RAB17: variants seen among roughly 807,000 people sequenced by gnomAD.
The protein encoded by RAB17 is ras-related protein Rab-17.
RAB17 carries 15 observed loss-of-function variants against 19.3 expected under a neutral mutation model. The ratio of observed to expected loss-of-function variants is 0.78; its 90% CI spans 0.52 to 1.20. The LOEUF is 1.20. Among genes scored for constraint, RAB17 ranks in the 50% most tolerant of loss-of-function variants. RAB17 has a pLI of 0.00. For missense variants in RAB17, 262 were observed against 269.3 expected (o/e 0.97, Z 0.19); for synonymous variants, 110 against 112.8 (o/e 0.97, Z 0.16).
chr2:237,589,760 C>T (rs1429441800), intron 1 of RAB17, among the ~76,000 whole-genome samples: 3 of 152,158 alleles, frequency 2.0e-5, no homozygotes, highest in Non-Finnish European at 4.4e-5. Flanking sequence ...ACACCATATT[C>T]AAGACTGGCG....
intron 1 of RAB17, among the ~76,000 whole-genome samples, chr2:237,588,669 C>G (rs1400420540): frequency 6.6e-6 from 1 of 152,160 alleles, no homozygotes; most frequent in Non-Finnish European, 1.5e-5. Context: ...AAGAACATAT[C>G]CCTGTAACCA....
chr2:237,575,058 G>C lies in RAB17; in HGVS notation c.600C>G (p.Asn200Lys). 1 of 1,613,680 alleles carries C rather than the reference G, an allele frequency of 6.2e-7. No individual in the cohort carries two copies. The highest frequency in any genetic ancestry group is 8.5e-7 in the Non-Finnish European group (1 of 1,179,832). Residue 200 changes from asparagine (N) to lysine (K), a missense_variant, in exon 6 of 6, where the codon AAC (asparagine) becomes AAG (lysine). Transcript: ENST00000264601. ...ALRGDAAVALNKGPARQAKCC... is the reference protein window; with the variant it reads ...ALRGDAAVALKKGPARQAKCC... ...ATTTGGCCTGCCTCGCGGGCCCCTTGTTCAGAGCCACAGCTGCATCCCCCC... is the reference window on the plus strand; with the variant it reads ...ATTTGGCCTGCCTCGCGGGCCCCTTCTTCAGAGCCACAGCTGCATCCCCCC...
Position 237,574,614 on chromosome 2 carries a change from C to A in RAB17, c.*405G>T. The stretch of plus-strand genomic sequence containing the variant: ...GGCCTGCTCCCCAACCCCCCAGAAG[C>A]AGGTGGGCCCAGGCTCCAGGCCAGT... On this transcript the variant is annotated 3_prime_UTR_variant, in exon 6 of 6. Transcript: ENST00000264601. 1 of 1,528,410 alleles carries A rather than the reference C, an allele frequency of 6.5e-7. No homozygotes were observed. Among genetic ancestry groups the A allele is most frequent in the Non-Finnish European group, 8.8e-7 (1 of 1,134,732 alleles). The allele number at this position is 1,528,410 out of a possible 1,614,324, so 94.7% of individuals were successfully genotyped here. A position where few individuals can be genotyped will look rare whatever the true frequency, so the allele number is the denominator to read the frequency against.
chr2:237,583,249 G>A (rs957080626), intron 2 of RAB17, among the ~76,000 whole-genome samples: 7 of 151,750 alleles, frequency 4.6e-5, no homozygotes, highest in African/African-American at 1.7e-4. Flanking sequence ...AAGGTGGGAG[G>A]ATGGCTTGAG....
chr2:237,587,811 A>G (rs2081361350), intron 1 of RAB17, among the ~76,000 whole-genome samples: 1 of 151,294 alleles, frequency 6.6e-6, no homozygotes, highest in African/African-American at 2.4e-5. Flanking sequence ...ACATAACATT[A>G]AGTTTTCCAT....
At chr2:237,577,978 G>A in intron 3 of RAB17, 26 bp downstream of exon 3, 3 of 1,578,886 alleles carry the variant, frequency 1.9e-6, no homozygotes, top group Non-Finnish European at 2.6e-6. Flanking sequence ...GAAGGAGGGT[G>A]GGACGTGCCT....
In RAB17 at chr2:237,584,297, G is replaced by A. The variant is rs148140122; in HGVS notation, c.157+1701C>T. Among the ~76,000 whole-genome samples the A allele has an allele frequency of 6.6e-5, 10 of 152,138 alleles. No individual in the cohort carries two copies. The East Asian group carries it at 1.4e-3, about 21-fold the overall frequency. ...CAAAGCACCCTCCTACGCTCCAACC[G>A]GGCATCTCGGAATCTCTCAGCCCTG... On this transcript the variant is annotated intron_variant, in intron 2 of 5. Transcript: ENST00000264601.
intron 1 of RAB17, 39 bp from the exon 2 acceptor site, chr2:237,586,196 C>T (rs765742548): frequency 8.4e-6 from 13 of 1,544,440 alleles, no homozygotes; most frequent in East Asian, 2.4e-5. Flanking sequence ...AGTGGAACAT[C>T]GGAGCCACAT....
At chr2:237,586,775 C>T (rs1003908095) in intron 1 of RAB17, among the ~76,000 whole-genome samples, 3 of 152,174 alleles carry the variant, frequency 2.0e-5, no homozygotes, top group African/African-American at 7.2e-5. Context: ...TTCATGTACA[C>T]ACCACAATAG....
intron 2 of RAB17, among the ~76,000 whole-genome samples, chr2:237,581,409 T>C (rs1361984666): frequency 3.9e-5 from 6 of 151,978 alleles, no homozygotes; most frequent in Non-Finnish European, 7.4e-5. Flanking sequence ...CTAAATTTTA[T>C]TTTTTTAATT....
intron 4 of RAB17, chr2:237,576,437 C>T (rs556251175): frequency 1.0e-5 from 4 of 389,546 alleles, no homozygotes; most frequent in East Asian, 7.3e-5. Flanking sequence ...CTCTCTCCCC[C>T]ACCCCAACTT....
Position 237,574,355 on chromosome 2 carries a change from A to T in RAB17, c.*664T>A. The T allele has an allele frequency of 6.9e-7, 1 of 1,445,138 alleles. No homozygotes were observed. Among genetic ancestry groups the T allele is most frequent in the Non-Finnish European group, 9.1e-7 (1 of 1,098,952 alleles). The allele number at this position is 1,445,138 out of a possible 1,614,324, so 89.5% of individuals were successfully genotyped here. ...CAAAAGCAATTTAATTTTTGGAGGA[A>T]AAACTGCATACGCAGTACAACTTAT... On this transcript the variant is annotated 3_prime_UTR_variant, in exon 6 of 6. Transcript: ENST00000264601.
At chr2:237,578,349 T>C (rs1002500388) in intron 2 of RAB17, 194 bp from the exon 3 acceptor site, 12 of 553,578 alleles carry the variant, frequency 2.2e-5, no homozygotes, top group Middle Eastern at 4.6e-4. Context: ...TCGAGCAAAG[T>C]GTTGGGAGTG....
rs982370277 is a variant in RAB17 at position 237,586,286 on chromosome 2, A to G, written c.-3-129T>C. 1.3e-5 allele frequency: 11 copies of G among 844,658 alleles called. No homozygotes were observed. The African/African-American group carries it at 1.4e-4, about 11-fold the overall frequency. The allele number at this position is 844,658 out of a possible 1,614,324, so 52.3% of individuals were successfully genotyped here. ...ATACAGAGCTCCCAACTCAGAGGCC[A>G]CCTAGGTCCACACTCCTGCTTCCCT... is the stretch of plus-strand genomic sequence containing the variant. On this transcript the variant is annotated intron_variant, in intron 1 of 5. Coordinates refer to ENST00000264601, the MANE Select transcript of RAB17 (RefSeq NM_022449.4).
chr2:237,588,230 G>C (rs535391506), intron 1 of RAB17, among the ~76,000 whole-genome samples: 1 of 152,086 alleles, frequency 6.6e-6, no homozygotes, highest in South Asian at 2.1e-4. Flanking sequence ...TAACACTGCT[G>C]CGTCTTGCAC....
At position 237,574,544 on chromosome 2, in the gene RAB17, A is replaced by G; in HGVS notation, c.*475T>C. 6.5e-7 allele frequency: 1 copy of G among 1,550,356 alleles called. No homozygotes were observed. The highest frequency in any genetic ancestry group is 8.7e-7 in the Non-Finnish European group (1 of 1,146,864). On this transcript the variant is annotated 3_prime_UTR_variant, in exon 6 of 6. Coordinates refer to ENST00000264601, the MANE Select transcript of RAB17 (RefSeq NM_022449.4). ...TGTGGAAATCCTGGGCCCACCCCACAGTCAGTCATCGCTCCATTTCTTCCT... is the reference window on the plus strand; with the variant it reads ...TGTGGAAATCCTGGGCCCACCCCACGGTCAGTCATCGCTCCATTTCTTCCT...
intron 4 of RAB17, 130 bp downstream of exon 4, chr2:237,577,127 G>A: frequency 4.6e-6 from 5 of 1,094,620 alleles, no homozygotes; most frequent in South Asian, 4.5e-5. Flanking sequence ...GTAGAGGTGT[G>A]TGTGCACATG....
chr2:237,584,444 G>A (rs1158504117), intron 2 of RAB17, among the ~76,000 whole-genome samples: 2 of 152,130 alleles, frequency 1.3e-5, no homozygotes, highest in African/African-American at 4.8e-5. Context: ...TGGCCATGGG[G>A]TCACTGCTGC....
intron 2 of RAB17, among the ~76,000 whole-genome samples, chr2:237,579,966 C>T (rs1448779839): frequency 1.3e-5 from 2 of 152,244 alleles, no homozygotes; most frequent in African/African-American, 2.4e-5. Context: ...CAGTGATTTC[C>T]AGCTTAGATG....
Sources: gnomAD v4.1 joint callset for allele counts (sites outside exome capture counted in the v4.1 genomes callset) on GRCh38, gnomAD v4.1.1 for gene constraint, MANE v1.5 for transcripts, NCBI Gene and HGNC (gene_info 2026-07-23, HGNC 2026-07-21) for gene names.